Variants in NTRK2 observed in about 807,000 individuals in gnomAD.
NTRK2 encodes the protein BDNF/NT-3 growth factors receptor.
In NTRK2, 13 loss-of-function variants were observed where a neutral mutation model predicts 94.5. The observed-to-expected ratio is 0.14, with a 90% CI of 0.09 to 0.22. NTRK2 has a LOEUF of 0.22. Among genes scored for constraint, NTRK2 ranks in the 10% least tolerant of loss-of-function variants. The pLI is 1.00. For missense variants in NTRK2, 639 were observed against 1,071.2 expected (o/e 0.60, Z 5.63); for synonymous variants, 372 against 407.4 (o/e 0.91, Z 1.05).
intron 12 of NTRK2, among the ~76,000 whole-genome samples, chr9:84,761,745 G>T (rs1294929873): frequency 6.6e-6 from 1 of 152,138 alleles, no homozygotes; most frequent in Non-Finnish European, 1.5e-5. Flanking sequence ...CAAATGTGCG[G>T]TCATCTCCAG....
chr9:84,886,268 T>C (rs1452456235), intron 14 of NTRK2, among the ~76,000 whole-genome samples: 1 of 152,218 alleles, frequency 6.6e-6, no homozygotes, highest in African/African-American at 2.4e-5. Flanking sequence ...TTATAACTCT[T>C]CATGAGGTTG....
chr9:84,903,852 C>A (rs188050746), intron 14 of NTRK2, among the ~76,000 whole-genome samples: 1 of 152,182 alleles, frequency 6.6e-6, no homozygotes, highest in African/African-American at 2.4e-5. Context: ...ATCCCTCCCT[C>A]GAGTATTTTT....
Position 85,023,613 on chromosome 9 carries a change from C to T in NTRK2, c.*2176C>T, listed in dbSNP as rs1832892112. 1 of 225,696 alleles carries T rather than the reference C, an allele frequency of 4.4e-6. No individual in the cohort carries two copies. Among genetic ancestry groups the T allele is most frequent in the Admixed American group, 5.7e-5 (1 of 17,516 alleles). The allele number at this position is 225,696 out of a possible 1,614,324, so 14.0% of individuals were successfully genotyped here. A position where few individuals can be genotyped will look rare whatever the true frequency, so the allele number is the denominator to read the frequency against. ...TTTTAAAAAAACCCTCTAGAATACACATAATAACATAATGAAAGCCATATC... is the reference window on the plus strand; with the variant it reads ...TTTTAAAAAAACCCTCTAGAATACATATAATAACATAATGAAAGCCATATC... On this transcript the variant is annotated 3_prime_UTR_variant, in exon 19 of 19. Transcript: ENST00000277120.
intron 14 of NTRK2, among the ~76,000 whole-genome samples, chr9:84,870,126 TACACACACACAC>T (rs1554757395): frequency 1.0e-5 from 1 of 95,650 alleles, no homozygotes; most frequent in African/African-American, 4.3e-5. Context: ...TATATATATA[TACACACACACAC>T]ACATATATAT....
chr9:85,007,394 G>A (rs978554444), intron 17 of NTRK2, among the ~76,000 whole-genome samples: 1 of 152,206 alleles, frequency 6.6e-6, no homozygotes, highest in African/African-American at 2.4e-5. Flanking sequence ...AAGTTGCTAA[G>A]ATCAAACGGG....
intron 2 of NTRK2, among the ~76,000 whole-genome samples, chr9:84,690,878 T>C (rs1225434445): frequency 6.6e-6 from 1 of 152,210 alleles, no homozygotes; most frequent in Non-Finnish European, 1.5e-5. Flanking sequence ...TTCTATAGTG[T>C]CAGCATATTG....
intron 15 of NTRK2, among the ~76,000 whole-genome samples, chr9:84,934,903 C>T (rs934945161): frequency 1.3e-5 from 2 of 152,184 alleles, no homozygotes; most frequent in Admixed American, 6.5e-5. Context: ...CCATCATAGT[C>T]ACGTCCTCAT....
chr9:84,724,480 A>G, intron 8 of NTRK2, 124 bp downstream of exon 8: 2 of 1,081,598 alleles, frequency 1.8e-6, no homozygotes, highest in South Asian at 1.3e-5. Flanking sequence ...TGTTTTGTGC[A>G]TACTCTATTA....
intron 6 of NTRK2, among the ~76,000 whole-genome samples, chr9:84,716,418 T>G (rs1176530950): frequency 3.9e-5 from 6 of 152,256 alleles, no homozygotes; most frequent in African/African-American, 1.4e-4. Context: ...AACCACAGTT[T>G]GTAGCACATA....
chr9:84,992,333 G>A (rs1161305669), intron 17 of NTRK2, among the ~76,000 whole-genome samples: 2 of 151,748 alleles, frequency 1.3e-5, no homozygotes, highest in African/African-American at 4.8e-5. Flanking sequence ...GGAAGGGAGA[G>A]TATTGATGAG....
At chr9:84,973,799 G>A (rs1826473690) in intron 17 of NTRK2, among the ~76,000 whole-genome samples, 1 of 152,014 alleles carries the variant, frequency 6.6e-6, no homozygotes, top group South Asian at 2.1e-4. Context: ...CAAGACTCAG[G>A]TTCACTGAAT....
intron 12 of NTRK2, among the ~76,000 whole-genome samples, chr9:84,816,872 C>T (rs1459752985): frequency 2.0e-5 from 3 of 151,320 alleles, no homozygotes; most frequent in African/African-American, 4.9e-5. Context: ...ATTTGTTGAA[C>T]GAAGAACAGG....
At chr9:84,937,612 G>A (rs1009375848) in intron 15 of NTRK2, among the ~76,000 whole-genome samples, 1 of 152,098 alleles carries the variant, frequency 6.6e-6, no homozygotes, top group African/African-American at 2.4e-5. Context: ...GATATCTTTG[G>A]ATGACCTTTG....
chr9:84,914,709 A>T (rs2077342936), intron 14 of NTRK2, among the ~76,000 whole-genome samples: 1 of 152,176 alleles, frequency 6.6e-6, no homozygotes, highest in Non-Finnish European at 1.5e-5. Context: ...TTGGACAAAG[A>T]GGTCAGAATT....
intron 17 of NTRK2, among the ~76,000 whole-genome samples, chr9:84,978,233 C>G (rs535178804): frequency 6.6e-6 from 1 of 152,198 alleles, no homozygotes; most frequent in African/African-American, 2.4e-5. Context: ...AAAGCGAGGC[C>G]TCTTGTGACA....
intron 14 of NTRK2, among the ~76,000 whole-genome samples, chr9:84,869,292 C>A (rs1470187087): frequency 1.3e-5 from 2 of 152,092 alleles, no homozygotes; most frequent in Non-Finnish European, 2.9e-5. Flanking sequence ...AAATGGCCAA[C>A]CTCCATTTGG....
At chr9:84,922,163 A>G (rs139917274) in intron 14 of NTRK2, among the ~76,000 whole-genome samples, 3 of 152,310 alleles carry the variant, frequency 2.0e-5, no homozygotes, top group Non-Finnish European at 4.4e-5. Flanking sequence ...CAACCGAAAT[A>G]GTTTTCAGAT....
In NTRK2 at chr9:84,816,778, C is replaced by CA. The variant is rs61094948; in HGVS notation, c.1397-44241dup. ...TGGATGACACAGCAAGACTCCATCTCAAAAAAAAAAAAAAAAAAAAAGAAA... is the reference window on the plus strand; with the variant it reads ...TGGATGACACAGCAAGACTCCATCTCAAAAAAAAAAAAAAAAAAAAAAGAAA... On this transcript the variant is annotated intron_variant, in intron 12 of 18. Transcript: ENST00000277120. Among the ~76,000 whole-genome samples, 600 of 82,540 alleles carry CA rather than the reference C, an allele frequency of 7.3e-3. 8 individuals are homozygous for CA. The highest frequency in any genetic ancestry group is 0.023 in the African/African-American group (477 of 20,476). The allele number at this position is 82,540 out of a possible 152,430, so 54.1% of individuals were successfully genotyped here. A position where few individuals can be genotyped will look rare whatever the true frequency, so the allele number is the denominator to read the frequency against.
Position 84,815,518 on chromosome 9 carries a change from G to GTTTTT in NTRK2, c.1397-45510_1397-45506dup, listed in dbSNP as rs1267449952. On this transcript the variant is annotated intron_variant, in intron 12 of 18. Transcript: ENST00000277120. ...AGCCTGTGAATCATTCTCATGCCCT[G>GTTTTT]TTTTTTTTTTTTTTTTCCTATAATG... 1.6e-5 allele frequency: 15 copies of GTTTTT among 941,440 alleles called. No individual in the cohort carries two copies. The African/African-American group carries it at 2.3e-4, about 14-fold the overall frequency. The allele number at this position is 941,440 out of a possible 1,614,324, so 58.3% of individuals were successfully genotyped here.
Sources: gnomAD v4.1 joint callset for allele counts (sites outside exome capture counted in the v4.1 genomes callset) on GRCh38, gnomAD v4.1.1 for gene constraint, MANE v1.5 for transcripts, NCBI Gene and HGNC (gene_info 2026-07-23, HGNC 2026-07-21) for gene names.